The following GABRB2 variants were observed in gnomAD, a reference collection of about 807,000 sequenced individuals.
GABRB2 encodes gamma-aminobutyric acid receptor subunit beta-2.
Under a neutral mutation model 54.7 loss-of-function variants are expected in GABRB2, and 16 were observed. That is an observed-to-expected ratio of 0.29 (90% CI 0.20 to 0.44). The LOEUF is 0.44. Ranked by LOEUF, GABRB2 falls within the 20% of genes least tolerant of loss-of-function variation. The pLI is 1.00. For missense variants in GABRB2, 355 were observed against 644.0 expected, an observed-to-expected ratio of 0.55 and a Z score of 4.86; for synonymous variants, 244 against 233.8, an observed-to-expected ratio of 1.04 and a Z score of -0.40.
In GABRB2 at chr5:161,322,192, A is replaced by G. The variant is rs576088688; in HGVS notation, c.1191+4176T>C. 7.2e-5 allele frequency among the ~76,000 whole-genome samples: 11 copies of G among 152,284 alleles called. No homozygotes were observed. In the East Asian group the frequency reaches 1.5e-3, roughly 21 times the overall value. ...ATAAAAACTGACATAATATATGTAA[A>G]TTGTCTAAGCATATAGTAGGTATTC... On this transcript the variant is annotated intron_variant, in intron 9 of 9. Transcript: ENST00000393959.
At chr5:161,298,904 A>C (rs72811501) in intron 9 of GABRB2, among the ~76,000 whole-genome samples, 8,752 of 152,232 alleles carry the variant, frequency 0.057, 301 homozygotes, top group Middle Eastern at 0.068. Context: ...TAAGACACTT[A>C]ATACAAGTTT....
intron 3 of GABRB2, among the ~76,000 whole-genome samples, chr5:161,487,816 T>A (rs551833639): frequency 6.6e-6 from 1 of 151,894 alleles, no homozygotes. Flanking sequence ...GAATTACAAA[T>A]GGTTAAAGAG....
intron 9 of GABRB2, among the ~76,000 whole-genome samples, chr5:161,325,183 A>G (rs1015600608): frequency 6.6e-6 from 1 of 152,096 alleles, no homozygotes; most frequent in African/African-American, 2.4e-5. Flanking sequence ...GCCCAATCAA[A>G]TCAGTCTACT....
intron 9 of GABRB2, among the ~76,000 whole-genome samples, chr5:161,314,804 T>A (rs907162665): frequency 7.2e-5 from 11 of 152,104 alleles, no homozygotes; most frequent in African/African-American, 2.7e-4. Flanking sequence ...CAGTGAGAAC[T>A]ACTTTCATGA....
intron 3 of GABRB2, among the ~76,000 whole-genome samples, chr5:161,468,938 T>C (rs1287411954): frequency 6.6e-6 from 1 of 151,926 alleles, no homozygotes; most frequent in Non-Finnish European, 1.5e-5. Context: ...TCATACATAT[T>C]ATAAAAATAT....
rs1384997801 is a variant in GABRB2, at chr5:161,463,562, T to G, written c.238-3718A>C. Among the ~76,000 whole-genome samples the G allele has an allele frequency of 1.3e-4, 10 of 76,116 alleles. 1 individual carries two copies. The highest frequency in any genetic ancestry group is 3.1e-4 in the African/African-American group (8 of 25,460). 49.9% of individuals were successfully genotyped at this position (76,116 alleles called of 152,430 possible). ...GATTCCAAATATTTTTATTTATATA[T>G]ATATATATATATATATATATATATA... On this transcript the variant is annotated intron_variant, in intron 3 of 9. Transcript: ENST00000393959.
At chr5:161,408,644 T>C (rs761658993) in intron 5 of GABRB2, among the ~76,000 whole-genome samples, 22 of 151,680 alleles carry the variant, frequency 1.5e-4, no homozygotes, top group Non-Finnish European at 3.1e-4. Context: ...AATTTAGCAA[T>C]GACACAGTTA....
chr5:161,430,839 T>C (rs1757153372), intron 4 of GABRB2, among the ~76,000 whole-genome samples: 1 of 152,082 alleles, frequency 6.6e-6, no homozygotes, highest in African/African-American at 2.4e-5. Flanking sequence ...TGTAAGTAGG[T>C]GAAAATTTCA....
At chr5:161,301,794 T>C (rs1757546860) in intron 9 of GABRB2, among the ~76,000 whole-genome samples, 1 of 152,198 alleles carries the variant, frequency 6.6e-6, no homozygotes, top group African/African-American at 2.4e-5. Context: ...CAAGGTTTTT[T>C]GGAGAGGCTC....
At chr5:161,506,245 G>A (rs779957799) in intron 3 of GABRB2, among the ~76,000 whole-genome samples, 1 of 151,922 alleles carries the variant, frequency 6.6e-6, no homozygotes, top group Non-Finnish European at 1.5e-5. Flanking sequence ...ACATTTAGGA[G>A]ATAAAAAAGA....
At chr5:161,405,291 T>A (rs754998363) in intron 5 of GABRB2, among the ~76,000 whole-genome samples, 2 of 152,016 alleles carry the variant, frequency 1.3e-5, no homozygotes, top group Non-Finnish European at 2.9e-5. Flanking sequence ...TTGCTACATA[T>A]CCCTCTTAAA....
intron 5 of GABRB2, among the ~76,000 whole-genome samples, chr5:161,403,055 C>A (rs1158999547): frequency 1.3e-5 from 2 of 152,124 alleles, no homozygotes; most frequent in Non-Finnish European, 2.9e-5. Context: ...TGAGAGTGTG[C>A]CCATGGATCT....
At chr5:161,445,321 T>G (rs1757586733) in intron 4 of GABRB2, among the ~76,000 whole-genome samples, 1 of 152,174 alleles carries the variant, frequency 6.6e-6, no homozygotes, top group African/African-American at 2.4e-5. Flanking sequence ...CACAGGAGTT[T>G]GTTCTGCCAT....
intron 9 of GABRB2, among the ~76,000 whole-genome samples, chr5:161,323,721 A>G (rs144552994): frequency 6.6e-6 from 1 of 152,250 alleles, no homozygotes; most frequent in Admixed American, 6.5e-5. Flanking sequence ...TCACAATTGG[A>G]CCAAGTTAAA....
chr5:161,443,078 A>G (rs1005086055), intron 4 of GABRB2, among the ~76,000 whole-genome samples: 1 of 152,046 alleles, frequency 6.6e-6, no homozygotes, highest in South Asian at 2.1e-4. Context: ...CAATAACTGG[A>G]TAGCACCTAG....
At chr5:161,537,009 C>G (rs761684787) in intron 3 of GABRB2, among the ~76,000 whole-genome samples, 1 of 151,984 alleles carries the variant, frequency 6.6e-6, no homozygotes, top group Non-Finnish European at 1.5e-5. Context: ...TTCACCAGTG[C>G]GCTCCTGTTA....
At chr5:161,427,636 A>G (rs1757041606) in intron 4 of GABRB2, among the ~76,000 whole-genome samples, 1 of 152,214 alleles carries the variant, frequency 6.6e-6, no homozygotes. Flanking sequence ...ATTTTAGCTT[A>G]AAACAACAGA....
At chr5:161,319,525 T>A (rs1342659757) in intron 9 of GABRB2, among the ~76,000 whole-genome samples, 3 of 151,014 alleles carry the variant, frequency 2.0e-5, no homozygotes, top group Admixed American at 2.0e-4. Context: ...TATGAGGTAG[T>A]TTGCTTTCTG....
At chr5:161,416,024 C>CA (rs1756656191) in intron 4 of GABRB2, among the ~76,000 whole-genome samples, 1 of 152,190 alleles carries the variant, frequency 6.6e-6, no homozygotes, top group East Asian at 1.9e-4. Flanking sequence ...CTGCAACCTC[C>CA]ACTCCCCAGG....
Sources: allele counts gnomAD v4.1 joint callset (sites outside exome capture counted in the v4.1 genomes callset), GRCh38; gene constraint gnomAD v4.1.1; transcripts MANE v1.5; gene names NCBI Gene and HGNC (gene_info 2026-07-23, HGNC 2026-07-21).